Variants in PLA2G7 observed in about 807,000 individuals in gnomAD.
PLA2G7 encodes phospholipase A2 group VII.
PLA2G7 carries 63 observed loss-of-function variants against 49.6 expected under a neutral mutation model. The ratio of observed to expected loss-of-function variants is 1.27; its 90% CI spans 1.04 to 1.57. The LOEUF (loss-of-function observed/expected upper bound fraction) is 1.57, where lower values mean the gene tolerates loss of function less well. Ranked by LOEUF, PLA2G7 falls within the 40% of genes most tolerant of loss-of-function variation. The pLI is 0.00. For synonymous variants in PLA2G7, 193 were observed against 169.9 expected, an observed-to-expected ratio of 1.14 and a Z score of -1.06; for missense variants, 596 against 521.2, an observed-to-expected ratio of 1.14 and a Z score of -1.40.
chr6:46,711,975 A>G (rs1198139614), intron 6 of PLA2G7, among the ~76,000 whole-genome samples: 1 of 152,154 alleles, frequency 6.6e-6, no homozygotes, highest in Non-Finnish European at 1.5e-5. Flanking sequence ...CTTCCTTAAA[A>G]CAACAACAAT....
In PLA2G7 at chr6:46,716,506, T is replaced by A. The variant is rs930240375; in HGVS notation, c.254A>T (p.Tyr85Phe). Reference protein sequence around the residue: ...TNKGTFLRLYYPSQDNDRLDT... With the variant: ...TNKGTFLRLYFPSQDNDRLDT... The stretch of plus-strand genomic sequence containing the variant: ...AAGGCGATCATTATCTTGGGATGGA[T>A]AATATAAACGCAAGAAGGTGCCCTG... The change falls in exon 4 of 12, where the codon TAT becomes TTT. Residue 85 changes from tyrosine to phenylalanine, a missense_variant. Physicochemically the swap from Tyr to Phe is conservative, Grantham distance 22. Coordinates refer to ENST00000274793, the MANE Select transcript of PLA2G7 (RefSeq NM_005084.4). The A allele has an allele frequency of 1.9e-6, 3 of 1,613,778 alleles. No individual in the cohort carries two copies. Among genetic ancestry groups the A allele is most frequent in the Non-Finnish European group, 2.5e-6 (3 of 1,179,822 alleles).
At chr6:46,726,098 T>C (rs1765566624) in intron 1 of PLA2G7, among the ~76,000 whole-genome samples, 1 of 152,226 alleles carries the variant, frequency 6.6e-6, no homozygotes, top group Admixed American at 6.5e-5. Context: ...TTCTTCTTGG[T>C]CTGTCTGTGC....
chr6:46,727,748 C>G (rs908452918), intron 1 of PLA2G7, among the ~76,000 whole-genome samples: 1 of 152,186 alleles, frequency 6.6e-6, no homozygotes, highest in Non-Finnish European at 1.5e-5. Context: ...TGTGAGAACT[C>G]AACCCACCAT....
intron 1 of PLA2G7, among the ~76,000 whole-genome samples, chr6:46,731,370 T>C (rs190328821): frequency 5.9e-5 from 9 of 152,362 alleles, no homozygotes; most frequent in Non-Finnish European, 1.2e-4. Flanking sequence ...TTTTCAGTTA[T>C]CTACAAATCT....
At chr6:46,728,662 T>G (rs1765641190) in intron 1 of PLA2G7, among the ~76,000 whole-genome samples, 4 of 152,226 alleles carry the variant, frequency 2.6e-5, no homozygotes, top group Admixed American at 2.6e-4. Context: ...AAAAGTTGTC[T>G]AAGATCAATG....
chr6:46,715,659 T>A (rs1765177027), intron 4 of PLA2G7, among the ~76,000 whole-genome samples: 1 of 152,278 alleles, frequency 6.6e-6, no homozygotes. Flanking sequence ...AAGTGATTTA[T>A]AAATTATTTT....
rs372152035 is a variant in PLA2G7 at position 46,722,782 on chromosome 6, C to A, written c.109+1G>T. ...AGACCTTGAACAAATACACCTCTTA[C>A]CTGATGATTTCATATGGGCAACAGG... is the stretch of plus-strand genomic sequence containing the variant. On this transcript the variant is annotated splice_donor_variant, in intron 2 of 11. Transcript: ENST00000274793. LOFTEE classifies it high-confidence loss of function. 3 of 1,569,814 alleles carry A rather than the reference C, an allele frequency of 1.9e-6. No individual in the cohort carries two copies. The highest frequency in any genetic ancestry group is 2.6e-6 in the Non-Finnish European group (3 of 1,139,648).
chr6:46,705,641 T>TCAGAGC (rs1764793484), intron 10 of PLA2G7, among the ~76,000 whole-genome samples: 1 of 152,232 alleles, frequency 6.6e-6, no homozygotes, highest in Non-Finnish European at 1.5e-5. Context: ...GTCCCTGAAC[T>TCAGAGC]CAGAGCCAGA....
intron 1 of PLA2G7, among the ~76,000 whole-genome samples, chr6:46,731,699 C>T: frequency 6.6e-6 from 1 of 152,014 alleles, no homozygotes; most frequent in Non-Finnish European, 1.5e-5. Context: ...AGATAAAGCA[C>T]AGGGAATTCA....
intron 1 of PLA2G7, among the ~76,000 whole-genome samples, chr6:46,726,724 C>T (rs1582586497): frequency 6.6e-6 from 1 of 152,210 alleles, no homozygotes; most frequent in South Asian, 2.1e-4. Context: ...TCACTGCAAC[C>T]TCCGCCTTCC....
rs118154078 is a variant in PLA2G7, at chr6:46,717,020, A to T, written c.186T>A (p.Pro62=). ...TTAAGTCTGTACAACCAACGGAATAAGGCCCATTTCCCCGGGGGATTTTAG... is the reference window on the plus strand; with the variant it reads ...TTAAGTCTGTACAACCAACGGAATATGGCCCATTTCCCCGGGGGATTTTAG... ...GQTKIPRGNG[P]YSVGCTDLMF... is the part of the protein sequence containing the mutation. The change falls in exon 3 of 12, where the codon CCT becomes CCA. Residue 62 remains proline, a synonymous_variant. Coordinates refer to ENST00000274793, the MANE Select transcript of PLA2G7 (RefSeq NM_005084.4). 70 of 1,613,734 alleles carry T rather than the reference A, an allele frequency of 4.3e-5. No homozygotes were observed. The East Asian group carries it at 1.5e-3, about 35-fold the overall frequency.
chr6:46,732,672 T>A (rs1765770393), intron 1 of PLA2G7, among the ~76,000 whole-genome samples: 1 of 152,194 alleles, frequency 6.6e-6, no homozygotes, highest in African/African-American at 2.4e-5. Flanking sequence ...TCTCCTCAAC[T>A]GCTAAGTTTC....
rs2150707541 is a variant in PLA2G7 at position 46,722,897 on chromosome 6, G to C, written c.-6C>G. On this transcript the variant is annotated 5_prime_UTR_variant, in exon 2 of 12. Coordinates refer to ENST00000274793, the MANE Select transcript of PLA2G7 (RefSeq NM_005084.4). The stretch of plus-strand genomic sequence containing the variant: ...TGCAATTTGGGTGGCACCATCTTGG[G>C]AGCTGAGCAGCAGTTTCAGCTTAGT... 1 of 1,568,572 alleles carries C rather than the reference G, an allele frequency of 6.4e-7. No individual in the cohort carries two copies. Among genetic ancestry groups the C allele is most frequent in the East Asian group, 2.2e-5 (1 of 44,636 alleles).
chr6:46,716,904 C>T (rs1241882082), intron 3 of PLA2G7, 71 bp downstream of exon 3: 8 of 1,486,974 alleles, frequency 5.4e-6, no homozygotes, highest in Non-Finnish European at 7.5e-6. Context: ...CACATTTGAA[C>T]ACCTTCTAGT....
intron 1 of PLA2G7, among the ~76,000 whole-genome samples, chr6:46,728,656 G>A (rs1765640712): frequency 6.6e-6 from 1 of 152,196 alleles, no homozygotes; most frequent in African/African-American, 2.4e-5. Flanking sequence ...AAAGGTAAAA[G>A]TTGTCTAAGA....
intron 1 of PLA2G7, among the ~76,000 whole-genome samples, chr6:46,733,987 T>C (rs997793433): frequency 2.6e-5 from 4 of 152,210 alleles, no homozygotes; most frequent in African/African-American, 9.6e-5. Context: ...CAAGCTGCCA[T>C]TTATGAGCCA....
chr6:46,710,856 C>T (rs952034904), intron 7 of PLA2G7, among the ~76,000 whole-genome samples, 198 bp from the exon 8 acceptor site: 3 of 152,180 alleles, frequency 2.0e-5, no homozygotes, highest in African/African-American at 7.2e-5. Flanking sequence ...AATCCTGGCT[C>T]TGTTGCTTAC....
In PLA2G7 at chr6:46,712,271, G is replaced by A; in HGVS notation, c.537C>T (p.His179=). The change falls in exon 6 of 12, where the codon CAC becomes CAT. Residue 179 remains histidine, a splice_region_variant and synonymous_variant. Transcript: ENST00000274793. ...SHGFIVAAVE[H]RDRSASATYY... The stretch of plus-strand genomic sequence containing the variant: ...CCCAATTATATCAGGTAACATACCT[G>A]TGTTCTACAGCAGCAACTATAAACC... The A allele has an allele frequency of 6.2e-7, 1 of 1,605,070 alleles. No homozygotes were observed. Among genetic ancestry groups the A allele is most frequent in the Non-Finnish European group, 8.5e-7 (1 of 1,171,888 alleles).
At chr6:46,726,216 G>T (rs75428401) in intron 1 of PLA2G7, among the ~76,000 whole-genome samples, 2 of 152,170 alleles carry the variant, frequency 1.3e-5, no homozygotes, top group African/African-American at 2.4e-5. Flanking sequence ...GCAGGAAAAG[G>T]TCAGAGAGAA....
Sources: gnomAD v4.1 joint callset for allele counts (sites outside exome capture counted in the v4.1 genomes callset) on GRCh38, gnomAD v4.1.1 for gene constraint, MANE v1.5 for transcripts, NCBI Gene and HGNC (gene_info 2026-07-23, HGNC 2026-07-21) for gene names.